The following BNC2 variants were observed in gnomAD, a reference collection of about 807,000 sequenced individuals.
BNC2 encodes basonuclin zinc finger protein 2, also known as zinc finger protein basonuclin-2.
BNC2 carries 20 observed loss-of-function variants against 76.3 expected under a neutral mutation model. The observed-to-expected ratio is 0.26, with a 90% CI of 0.18 to 0.38. BNC2 has a LOEUF of 0.38. Ranked by LOEUF, BNC2 falls within the 10% of genes least tolerant of loss-of-function variation. BNC2 has a pLI of 1.00. For synonymous variants in BNC2, 582 were observed against 514.8 expected, an observed-to-expected ratio of 1.13 and a Z score of -1.77; for missense variants, 1,382 against 1,399.8, an observed-to-expected ratio of 0.99 and a Z score of 0.20.
At chr9:16,777,184 C>T (rs1011827589) in intron 1 of BNC2, among the ~76,000 whole-genome samples, 8 of 151,466 alleles carry the variant, frequency 5.3e-5, no homozygotes, top group Non-Finnish European at 1.0e-4. Flanking sequence ...AATAAATAAA[C>T]GATAGGACAG....
At chr9:16,475,160 A>C (rs1821902204) in intron 5 of BNC2, among the ~76,000 whole-genome samples, 1 of 152,204 alleles carries the variant, frequency 6.6e-6, no homozygotes, top group Admixed American at 6.5e-5. Flanking sequence ...TCATGAAGAT[A>C]AGGACACTGG....
intron 3 of BNC2, among the ~76,000 whole-genome samples, chr9:16,703,056 G>C (rs1469300850): frequency 6.6e-6 from 1 of 152,100 alleles, no homozygotes; most frequent in Non-Finnish European, 1.5e-5. Flanking sequence ...TCCTAAATCA[G>C]CTGAAATTTT....
intron 1 of BNC2, among the ~76,000 whole-genome samples, chr9:16,757,439 G>C (rs189090598): frequency 5.8e-4 from 88 of 152,240 alleles, no homozygotes; most frequent in Middle Eastern, 3.4e-3. Flanking sequence ...ATGCCCTGGC[G>C]CTTGAGTCCA....
chr9:16,688,627 C>T (rs1173133760), intron 3 of BNC2, among the ~76,000 whole-genome samples: 1 of 152,076 alleles, frequency 6.6e-6, no homozygotes, highest in African/African-American at 2.4e-5. Context: ...ATTATAGGTA[C>T]TTAACTTTTA....
intron 1 of BNC2, among the ~76,000 whole-genome samples, chr9:16,767,649 T>C (rs989217045): frequency 6.6e-6 from 1 of 152,146 alleles, no homozygotes; most frequent in East Asian, 1.9e-4. Context: ...CTATAGACAG[T>C]GTAAAGCCAA....
intron 1 of BNC2, among the ~76,000 whole-genome samples, chr9:16,765,291 T>C (rs1023911657): frequency 2.6e-5 from 4 of 152,216 alleles, no homozygotes; most frequent in African/African-American, 9.7e-5. Context: ...TCAGATTTTA[T>C]TCTGGCTAAG....
intron 3 of BNC2, among the ~76,000 whole-genome samples, chr9:16,627,004 G>T (rs1821016011): frequency 6.6e-6 from 1 of 152,250 alleles, no homozygotes; most frequent in East Asian, 1.9e-4. Context: ...ACTGAATCAG[G>T]GCATGGAACA....
chr9:16,542,710 A>G (rs1280066986), intron 5 of BNC2, among the ~76,000 whole-genome samples: 3 of 152,230 alleles, frequency 2.0e-5, no homozygotes, highest in Non-Finnish European at 4.4e-5. Context: ...TCATTCTCCT[A>G]GCAAAGTATT....
Position 16,687,612 on chromosome 9 carries a change from A to G in BNC2, c.330+40185T>C, listed in dbSNP as rs116714940. Reference sequence around the variant, plus strand: ...TCAAAATGAATCCCCCCAAAACCTTATTATAAAACCTCAATAAATGGGACT... The same window carrying G: ...TCAAAATGAATCCCCCCAAAACCTTGTTATAAAACCTCAATAAATGGGACT... On this transcript the variant is annotated intron_variant, in intron 3 of 6. Transcript: ENST00000380672. Among the ~76,000 whole-genome samples the G allele has an allele frequency of 7.3e-3, 1,110 of 152,310 alleles. 20 individuals are homozygous for G. Among genetic ancestry groups the G allele is most frequent in the African/African-American group, 0.026 (1,067 of 41,562 alleles).
intron 3 of BNC2, among the ~76,000 whole-genome samples, chr9:16,640,319 T>C (rs1291116066): frequency 6.6e-6 from 1 of 152,220 alleles, no homozygotes; most frequent in Non-Finnish European, 1.5e-5. Context: ...CCATCATTCC[T>C]ATCACATTTC....
At chr9:16,728,294 G>A (rs373906124) in intron 2 of BNC2, 33 of 468,644 alleles carry the variant, frequency 7.0e-5, no homozygotes, top group East Asian at 4.8e-4. Flanking sequence ...TTGGATAGCA[G>A]AGCTAAGAGT....
intron 4 of BNC2, among the ~76,000 whole-genome samples, chr9:16,582,675 A>C (rs986324209): frequency 1.3e-5 from 2 of 152,154 alleles, no homozygotes; most frequent in African/African-American, 4.8e-5. Flanking sequence ...GGTATGTTTG[A>C]GTTTCCATCA....
At chr9:16,615,566 C>T (rs755493402) in intron 3 of BNC2, among the ~76,000 whole-genome samples, 4 of 152,178 alleles carry the variant, frequency 2.6e-5, no homozygotes, top group Non-Finnish European at 5.9e-5. Flanking sequence ...CGGTTTACTA[C>T]TCTTAGCACA....
intron 3 of BNC2, among the ~76,000 whole-genome samples, chr9:16,608,778 GA>G (rs775377325): frequency 5.3e-4 from 81 of 152,278 alleles, no homozygotes; most frequent in Middle Eastern, 6.8e-3. Flanking sequence ...AGTGAGATCT[GA>G]AAAATAGAGG....
chr9:16,813,074 T>C (rs1023239998), intron 1 of BNC2, among the ~76,000 whole-genome samples: 5 of 151,882 alleles, frequency 3.3e-5, no homozygotes, highest in African/African-American at 1.2e-4. Flanking sequence ...CCGGGCGTGG[T>C]GACGCCCCAG....
intron 1 of BNC2, among the ~76,000 whole-genome samples, chr9:16,840,568 A>T (rs1280850286): frequency 1.3e-5 from 2 of 152,178 alleles, no homozygotes; most frequent in Non-Finnish European, 2.9e-5. Context: ...TGCCTTTCCA[A>T]ATACGCACAT....
At chr9:16,854,328 T>A (rs1000452515) in intron 1 of BNC2, among the ~76,000 whole-genome samples, 1 of 152,164 alleles carries the variant, frequency 6.6e-6, no homozygotes, top group African/African-American at 2.4e-5. Context: ...ACAGAATTAT[T>A]AAGAATCTTT....
rs142534651 is a variant in BNC2 at position 16,436,021 on chromosome 9, C to T, written c.2173G>A (p.Glu725Lys). ...AGTTTGGGCTCCGAAGACTCAGACT[C>T]GTTCTCATAGTCCCGCTCAGGTTCT... ...DQEPERDYEN[E>K]SESSEPKLGE... Residue 725 changes from glutamate (E) to lysine (K), a missense_variant, in exon 6 of 7, where the codon GAG becomes AAG. By Grantham distance (56) the Glu-to-Lys change is moderately conservative. Coordinates refer to ENST00000380672, the MANE Select transcript of BNC2 (RefSeq NM_017637.6). The T allele has an allele frequency of 9.9e-5, 160 of 1,614,054 alleles. No individual in the cohort carries two copies. Among genetic ancestry groups the T allele is most frequent in the Middle Eastern group, 4.9e-4 (3 of 6,084 alleles).
At chr9:16,813,053 A>G (rs932751518) in intron 1 of BNC2, among the ~76,000 whole-genome samples, 1 of 152,006 alleles carries the variant, frequency 6.6e-6, no homozygotes, top group Non-Finnish European at 1.5e-5. Context: ...TACTAAAAAT[A>G]CAAAAATTAG....
Sources: gnomAD v4.1 joint callset for allele counts (sites outside exome capture counted in the v4.1 genomes callset) on GRCh38, gnomAD v4.1.1 for gene constraint, MANE v1.5 for transcripts, NCBI Gene and HGNC (gene_info 2026-07-23, HGNC 2026-07-21) for gene names.